GDF2: variants seen among roughly 807,000 people sequenced by gnomAD.
The protein encoded by GDF2 is growth differentiation factor 2.
Under a neutral mutation model 16.9 loss-of-function variants are expected in GDF2, and 17 were observed. The ratio of observed to expected loss-of-function variants is 1.00; its 90% confidence interval spans 0.69 to 1.51. GDF2 has a LOEUF of 1.51. GDF2 is among the 40% of genes most tolerant of loss of function. The pLI is 0.00. For missense variants in GDF2, 523 were observed against 556.3 expected (o/e 0.94, Z 0.60); for synonymous variants, 276 against 237.6 (o/e 1.16, Z -1.49).
Position 47,324,827 on chromosome 10 carries a change from T to C in GDF2, c.347-14T>C. 1 of 1,583,088 alleles carries C rather than the reference T, an allele frequency of 6.3e-7. No individual in the cohort carries two copies. The highest frequency in any genetic ancestry group is 1.1e-5 in the South Asian group (1 of 90,312). On this transcript the variant is annotated splice_polypyrimidine_tract_variant and intron_variant, in intron 1 of 1. Transcript: ENST00000581492. Reference sequence around the variant, plus strand: ...CCCTCCAGCAGATGCCCACCACGTGTGTTTGCATTTCAGATGCCATCTCCA... The same window carrying C: ...CCCTCCAGCAGATGCCCACCACGTGCGTTTGCATTTCAGATGCCATCTCCA...
chr10:47,325,966 G>C lies in GDF2; in HGVS notation c.*182G>C, dbSNP rs1488632211. ...CCGCTGAGCTCAACTGCCAGGGAAGGCTAAGGAAATGGGGATTTGAGCACA... is the reference window on the plus strand; with the variant it reads ...CCGCTGAGCTCAACTGCCAGGGAAGCCTAAGGAAATGGGGATTTGAGCACA... On this transcript the variant is annotated 3_prime_UTR_variant, in exon 2 of 2. Coordinates refer to ENST00000581492, the MANE Select transcript of GDF2 (RefSeq NM_016204.4). 4.0e-6 allele frequency: 2 copies of C among 504,692 alleles called. No homozygotes were observed. Among genetic ancestry groups the C allele is most frequent in the African/African-American group, 3.8e-5 (2 of 52,704 alleles). The allele number at this position is 504,692 out of a possible 1,614,324, so 31.3% of individuals were successfully genotyped here.
chr10:47,325,395 G>T lies in GDF2; in HGVS notation c.901G>T (p.Glu301Ter). The change falls in exon 2 of 2, where the codon GAG (glutamate) becomes TAG (stop). Residue 301 changes from glutamate (E) to a stop codon, truncating the protein, a stop_gained. Transcript: ENST00000581492. LOFTEE classifies it high-confidence loss of function. The part of the protein sequence containing the change: ...GSTEAGESSH[E>*]EDTDGHVAAG... ...CACAGAGGCAGGTGAGAGCAGTCAC[G>T]AGGAGGACACGGATGGCCACGTGGC... 1 of 1,614,100 alleles carries T rather than the reference G, an allele frequency of 6.2e-7. No homozygotes were observed. The highest frequency in any genetic ancestry group is 8.5e-7 in the Non-Finnish European group (1 of 1,180,038).
In GDF2 at chr10:47,323,015, G is replaced by A. The variant is rs915440591; in HGVS notation, c.346+1G>A. The A allele has an allele frequency of 1.3e-6, 2 of 1,588,466 alleles. No individual in the cohort carries two copies. The highest frequency in any genetic ancestry group is 1.7e-6 in the Non-Finnish European group (2 of 1,161,262). ...ATTGTGCGGAGCTTCAGCATGGAAGGTAGGGTCTCCGCTTGCACCATGCGC... is the reference window on the plus strand; with the variant it reads ...ATTGTGCGGAGCTTCAGCATGGAAGATAGGGTCTCCGCTTGCACCATGCGC... On this transcript the variant is annotated splice_donor_variant, in intron 1 of 1. Coordinates refer to ENST00000581492, the MANE Select transcript of GDF2 (RefSeq NM_016204.4). LOFTEE classifies it high-confidence loss of function.
At position 47,322,812 on chromosome 10, in the gene GDF2, G is replaced by A. The variant is rs2061089254; in HGVS notation, c.144G>A (p.Leu48=). 1 of 1,613,948 alleles carries A rather than the reference G, an allele frequency of 6.2e-7. No homozygotes were observed. Among genetic ancestry groups the A allele is most frequent in the Non-Finnish European group, 8.5e-7 (1 of 1,179,920 alleles). ...HSPLGVPGGG[L]PEHTFNLKMF... The stretch of plus-strand genomic sequence containing the variant: ...CACTGGGGGTGCCTGGAGGTGGGCT[G>A]CCTGAGCACACCTTCAACCTGAAGA... The change falls in exon 1 of 2, where the codon CTG becomes CTA. Residue 48 remains leucine, a synonymous_variant. Coordinates refer to ENST00000581492, the MANE Select transcript of GDF2 (RefSeq NM_016204.4).
At chr10:47,323,193 GC>G (rs1380301386) in intron 1 of GDF2, among the ~76,000 whole-genome samples, 179 bp downstream of exon 1, 32 of 152,284 alleles carry the variant, frequency 2.1e-4, no homozygotes, top group African/African-American at 7.7e-4. Flanking sequence ...CAAATGCGTG[GC>G]TAATGGCTTC....
chr10:47,322,608 T>A lies in GDF2; in HGVS notation c.-61T>A. The A allele has an allele frequency of 4.7e-6, 6 of 1,266,422 alleles. No individual in the cohort carries two copies. In the South Asian group the frequency reaches 6.5e-5, roughly 14 times the overall value. 78.4% of individuals were successfully genotyped at this position (1,266,422 alleles called of 1,614,324 possible). A position where few individuals can be genotyped will look rare whatever the true frequency, so the allele number is the denominator to read the frequency against. Reference sequence around the variant, plus strand: ...CCCGCTCCTTCCCAGCTCCTCCCCGTGCCCGCTAACACAGCACGGCCGCCT... The same window carrying A: ...CCCGCTCCTTCCCAGCTCCTCCCCGAGCCCGCTAACACAGCACGGCCGCCT... On this transcript the variant is annotated 5_prime_UTR_variant, in exon 1 of 2. Transcript: ENST00000581492.
chr10:47,325,903 G>A lies in GDF2; in HGVS notation c.*119G>A. On this transcript the variant is annotated 3_prime_UTR_variant, in exon 2 of 2. Coordinates refer to ENST00000581492, the MANE Select transcript of GDF2 (RefSeq NM_016204.4). ...ATGCCAGCCTGGAGGAGGAAAGGGA[G>A]CCTGCTCTCCCTCCCCACACCCCAC... The A allele has an allele frequency of 1.4e-6, 1 of 733,598 alleles. No individual in the cohort carries two copies. The highest frequency in any genetic ancestry group is 2.1e-6 in the Non-Finnish European group (1 of 465,712). 45.4% of individuals were successfully genotyped at this position (733,598 alleles called of 1,614,324 possible). A position where few individuals can be genotyped will look rare whatever the true frequency, so the allele number is the denominator to read the frequency against.
rs1555208683 is a variant in GDF2, at chr10:47,322,694, C to T, written c.26C>T (p.Ala9Val). 2 of 1,577,890 alleles carry T rather than the reference C, an allele frequency of 1.3e-6. No individual in the cohort carries two copies. Among genetic ancestry groups the T allele is most frequent in the South Asian group, 1.2e-5 (1 of 86,682 alleles). Residue 9 changes from alanine to valine, a missense_variant, in exon 1 of 2, where the codon GCC becomes GTC. Ala to Val is a moderately conservative substitution (Grantham distance 64, BLOSUM62 0). Transcript: ENST00000581492. The stretch of plus-strand genomic sequence containing the variant: ...ATGTGTCCTGGGGCACTGTGGGTGG[C>T]CCTGCCCCTGCTGTCCCTGCTGGCT... Reference protein sequence around the residue: MCPGALWVALPLLSLLAGS... With the variant: MCPGALWVVLPLLSLLAGS...
At position 47,325,286 on chromosome 10, in the gene GDF2, G is replaced by C. The variant is rs781907754; in HGVS notation, c.792G>C (p.Gly264=). 1.2e-5 allele frequency: 19 copies of C among 1,614,050 alleles called. No individual in the cohort carries two copies. The Middle Eastern group carries it at 8.2e-4, about 70-fold the overall frequency. Residue 264 remains glycine, a synonymous_variant, in exon 2 of 2, where the codon GGG becomes GGC. Transcript: ENST00000581492. The part of the protein sequence containing the change: ...FVVFSNDHSS[G]TKETRLELRE... ...TCTTCTCCAATGACCACAGCAGTGG[G>C]ACCAAGGAGACCAGGCTGGAGCTGA... is the stretch of plus-strand genomic sequence containing the variant.
rs538288079 is a variant in GDF2, at chr10:47,323,033, C to A, written c.346+19C>A. ...ATGGAAGGTAGGGTCTCCGCTTGCA[C>A]CATGCGCGCTGGGGTGGGACTCACA... On this transcript the variant is annotated intron_variant, in intron 1 of 1. Coordinates refer to ENST00000581492, the MANE Select transcript of GDF2 (RefSeq NM_016204.4). 2.6e-6 allele frequency: 4 copies of A among 1,555,082 alleles called. No homozygotes were observed. The Admixed American group carries it at 5.1e-5, about 20-fold the overall frequency.
chr10:47,324,734 C>T, intron 1 of GDF2, 107 bp from the exon 2 acceptor site: 1 of 738,576 alleles, frequency 1.4e-6, no homozygotes, highest in Non-Finnish European at 2.3e-6. Context: ...TAATACAGAC[C>T]AAAATTGTTA....
chr10:47,325,836 T>G lies in GDF2; in HGVS notation c.*52T>G, dbSNP rs1588852705. ...GGCCAAAGGGGCTCCACATGAGAGG[T>G]CCTGCATGCCCCTGGGCACAACAAG... On this transcript the variant is annotated 3_prime_UTR_variant, in exon 2 of 2. Transcript: ENST00000581492. 1 of 1,279,730 alleles carries G rather than the reference T, an allele frequency of 7.8e-7. No individual in the cohort carries two copies. The highest frequency in any genetic ancestry group is 1.5e-5 in the African/African-American group (1 of 66,540). 79.3% of individuals were successfully genotyped at this position (1,279,730 alleles called of 1,614,324 possible).
chr10:47,323,863 G>A (rs532070737), intron 1 of GDF2, among the ~76,000 whole-genome samples: 1 of 152,362 alleles, frequency 6.6e-6, no homozygotes, highest in South Asian at 2.1e-4. Flanking sequence ...GGAGCACAGA[G>A]CCTCTCCCTT....
Position 47,322,922 on chromosome 10 carries a change from C to T in GDF2, c.254C>T (p.Pro85Leu), listed in dbSNP as rs199804679. ...TCGCAGGACAAAACCAGGGTGGAGCCGCCGCAGTACATGATTGACCTGTAC... is the reference window on the plus strand; with the variant it reads ...TCGCAGGACAAAACCAGGGTGGAGCTGCCGCAGTACATGATTGACCTGTAC... ...VPSQDKTRVE[P>L]PQYMIDLYNR... Residue 85 changes from proline to leucine, a missense_variant, in exon 1 of 2, where the codon CCG becomes CTG. Coordinates refer to ENST00000581492, the MANE Select transcript of GDF2 (RefSeq NM_016204.4). 4.3e-6 allele frequency: 7 copies of T among 1,614,154 alleles called. No homozygotes were observed. The highest frequency in any genetic ancestry group is 2.2e-5 in the South Asian group (2 of 91,076).
At position 47,322,757 on chromosome 10, in the gene GDF2, G is replaced by A. The variant is rs368827442; in HGVS notation, c.89G>A (p.Arg30Gln). ...LQGKPLQSWG[R>Q]GSAGGNAHSP... is the part of the protein sequence containing the mutation. Reference sequence around the variant, plus strand: ...GGGAAGCCACTGCAGAGCTGGGGACGAGGGTCTGCTGGGGGAAACGCCCAC... The same window carrying A: ...GGGAAGCCACTGCAGAGCTGGGGACAAGGGTCTGCTGGGGGAAACGCCCAC... The change falls in exon 1 of 2, where the codon CGA (arginine) becomes CAA (glutamine). Residue 30 changes from arginine (R) to glutamine (Q), a missense_variant. By Grantham distance (43) the Arg-to-Gln change is conservative. Transcript: ENST00000581492. 126 of 1,611,786 alleles carry A rather than the reference G, an allele frequency of 7.8e-5. No individual in the cohort carries two copies. The highest frequency in any genetic ancestry group is 1.0e-4 in the Non-Finnish European group (118 of 1,178,740).
In GDF2 at chr10:47,325,131, C is replaced by CT; in HGVS notation, c.637_638insT (p.Arg213LeufsTer13). On this transcript the variant is annotated frameshift_variant, in exon 2 of 2. Transcript: ENST00000581492. LOFTEE classifies it high-confidence loss of function. Reference sequence around the variant, plus strand: ...CTTGGAAGTGTCCAGCGCCGTGAAGCGCTGGGTCCGGTCCGACTCCACCAA... The same window carrying CT: ...CTTGGAAGTGTCCAGCGCCGTGAAGCTGCTGGGTCCGGTCCGACTCCACCAA... 2 of 1,613,954 alleles carry CT rather than the reference C, an allele frequency of 1.2e-6. No homozygotes were observed. Among genetic ancestry groups the CT allele is most frequent in the Non-Finnish European group, 1.7e-6 (2 of 1,180,024 alleles).
At chr10:47,323,717 G>A (rs2061093408) in intron 1 of GDF2, among the ~76,000 whole-genome samples, 1 of 152,230 alleles carries the variant, frequency 6.6e-6, no homozygotes, top group Non-Finnish European at 1.5e-5. Context: ...AAACTGTTCA[G>A]TCAAAGCTTG....
At position 47,325,178 on chromosome 10, in the gene GDF2, G is replaced by C. The variant is rs782023892; in HGVS notation, c.684G>C (p.Val228=). The C allele has an allele frequency of 6.2e-7, 1 of 1,614,042 alleles. No homozygotes were observed. The highest frequency in any genetic ancestry group is 8.5e-7 in the Non-Finnish European group (1 of 1,180,024). The change falls in exon 2 of 2, where the codon GTG becomes GTC. Residue 228 remains valine, a synonymous_variant. Coordinates refer to ENST00000581492, the MANE Select transcript of GDF2 (RefSeq NM_016204.4). ...CCAAGAGCAAAAATAAGCTGGAAGT[G>C]ACTGTGGAGAGCCACAGGAAGGGCT... ...DSTKSKNKLE[V]TVESHRKGCD...
Position 47,326,021 on chromosome 10 carries a change from G to A in GDF2, c.*237G>A. 2 of 428,654 alleles carry A rather than the reference G, an allele frequency of 4.7e-6. No homozygotes were observed. Among genetic ancestry groups the A allele is most frequent in the Non-Finnish European group, 8.2e-6 (2 of 243,266 alleles). 26.6% of individuals were successfully genotyped at this position (428,654 alleles called of 1,614,324 possible). A position where few individuals can be genotyped will look rare whatever the true frequency, so the allele number is the denominator to read the frequency against. On this transcript the variant is annotated 3_prime_UTR_variant, in exon 2 of 2. Coordinates refer to ENST00000581492, the MANE Select transcript of GDF2 (RefSeq NM_016204.4). ...GAAAGCCTGGGAGGGTTGTTGGGAT[G>A]CAAGGAGGTGATGAAAAGGAGACAG...
Sources: gnomAD v4.1 joint callset for allele counts (sites outside exome capture counted in the v4.1 genomes callset) on GRCh38, gnomAD v4.1.1 for gene constraint, MANE v1.5 for transcripts, NCBI Gene and HGNC (gene_info 2026-07-23, HGNC 2026-07-21) for gene names.